The following RPS6KA3 variants were observed in gnomAD, a reference collection of about 807,000 sequenced individuals.
RPS6KA3 encodes ribosomal protein S6 kinase alpha-3.
In RPS6KA3, 4 loss-of-function variants were observed where a neutral mutation model predicts 67.2. The observed-to-expected ratio is 0.06, with a 90% CI of 0.03 to 0.14. RPS6KA3 has a LOEUF of 0.14. Among genes scored for constraint, RPS6KA3 ranks in the 10% least tolerant of loss-of-function variants. RPS6KA3 has a pLI of 1.00. For missense variants in RPS6KA3, 204 were observed against 559.0 expected (o/e 0.36, Z 6.40); for synonymous variants, 182 against 183.7 (o/e 0.99, Z 0.07).
chrX:20,150,512 T>C lies in RPS6KA3; in HGVS notation c.*4886A>G, dbSNP rs1478740182. On this transcript the variant is annotated 3_prime_UTR_variant, in exon 22 of 22. Coordinates refer to ENST00000379565, the MANE Select transcript of RPS6KA3 (RefSeq NM_004586.3). ...AAGGAATGGCAATACCTTGAAGCTT[T>C]TTTTAAAATTAAAAACCAAAGCTTT... 1 of 112,881 alleles carries C rather than the reference T, an allele frequency of 8.9e-6. No homozygotes were observed. Among genetic ancestry groups the C allele is most frequent in the Admixed American group, 9.4e-5 (1 of 10,636 alleles). 9.3% of individuals were successfully genotyped at this position (112,881 alleles called of 1,213,427 possible).
At chrX:20,217,381 T>C (rs1325772683) in intron 2 of RPS6KA3, among the ~76,000 whole-genome samples, 3 of 112,953 alleles carry the variant, frequency 2.7e-5, no homozygotes, top group Non-Finnish European at 5.6e-5. Context: ...AAACCTAATA[T>C]TGTAACATGC....
At chrX:20,161,793 A>G (rs928195161) in intron 19 of RPS6KA3, 32 bp from the exon 20 acceptor site, 7 of 542,908 alleles carry the variant, frequency 1.3e-5, no homozygotes, top group Non-Finnish European at 1.8e-5. Flanking sequence ...ATATTAATGA[A>G]TAAAATTTAT....
chrX:20,177,375 A>G (rs191338269), intron 10 of RPS6KA3, among the ~76,000 whole-genome samples: 160 of 112,177 alleles, frequency 1.4e-3, no homozygotes, highest in African/African-American at 4.9e-3. Flanking sequence ...GTTCTATGCC[A>G]TTTTATTACA....
At chrX:20,162,066 G>A (rs759032656) in intron 19 of RPS6KA3, among the ~76,000 whole-genome samples, 9 of 109,830 alleles carry the variant, frequency 8.2e-5, no homozygotes, top group Admixed American at 2.0e-4. Context: ...GGCCAGGCAC[G>A]GTGGCTCATG....
At chrX:20,260,945 C>T (rs1202570662) in intron 1 of RPS6KA3, among the ~76,000 whole-genome samples, 3 of 111,961 alleles carry the variant, frequency 2.7e-5, no homozygotes, top group Non-Finnish European at 5.6e-5. Context: ...TGCTATTAAT[C>T]CAAATAACCC....
chrX:20,195,963 C>A (rs768186027), intron 4 of RPS6KA3, among the ~76,000 whole-genome samples: 102 of 112,016 alleles, frequency 9.1e-4, no homozygotes, highest in Admixed American at 1.7e-3. Context: ...CAAAGTAGCA[C>A]CATGAATATG....
chrX:20,184,663 C>G (rs946254204), intron 10 of RPS6KA3, among the ~76,000 whole-genome samples: 1 of 110,130 alleles, frequency 9.1e-6, no homozygotes, highest in South Asian at 3.8e-4. Flanking sequence ...CTGCCCACTT[C>G]GGCCTCCCAA....
chrX:20,196,873 G>A (rs1250018397), intron 4 of RPS6KA3, among the ~76,000 whole-genome samples: 1 of 111,307 alleles, frequency 9.0e-6, no homozygotes, highest in Non-Finnish European at 1.9e-5. Context: ...ATAGGATATC[G>A]CTGTCGCCCT....
intron 1 of RPS6KA3, among the ~76,000 whole-genome samples, chrX:20,240,119 T>A (rs1297336015): frequency 9.2e-6 from 1 of 108,922 alleles, no homozygotes; most frequent in Non-Finnish European, 1.9e-5. Flanking sequence ...TATCATCTAC[T>A]GACATTCTCC....
chrX:20,226,850 C>A (rs778161737), intron 2 of RPS6KA3, among the ~76,000 whole-genome samples: 2 of 111,346 alleles, frequency 1.8e-5, no homozygotes, highest in African/African-American at 3.3e-5. Flanking sequence ...CCTTTAGACA[C>A]CCTATTACAG....
rs752001807 is a variant in RPS6KA3 at position 20,234,860 on chromosome X, A to G, written c.70-46T>C. ...AGGAAGTTACCAAAACAGACCTCAC[A>G]TCAGTTAAAGTTAAATGAAGGCAGA... On this transcript the variant is annotated intron_variant, in intron 1 of 21. Coordinates refer to ENST00000379565, the MANE Select transcript of RPS6KA3 (RefSeq NM_004586.3). The G allele has an allele frequency of 7.7e-5, 78 of 1,015,898 alleles. No homozygotes were observed. The South Asian group carries it at 1.5e-3, about 19-fold the overall frequency. 83.7% of individuals were successfully genotyped at this position (1,015,898 alleles called of 1,213,427 possible). A position where few individuals can be genotyped will look rare whatever the true frequency, so the allele number is the denominator to read the frequency against.
chrX:20,198,401 A>G (rs2068331604), intron 4 of RPS6KA3, among the ~76,000 whole-genome samples: 1 of 112,338 alleles, frequency 8.9e-6, no homozygotes, highest in Non-Finnish European at 1.9e-5. Context: ...ACCCCCAGGC[A>G]TTTGGAGAAA....
intron 20 of RPS6KA3, among the ~76,000 whole-genome samples, chrX:20,158,365 CAAAAA>C (rs1209085517): frequency 3.5e-5 from 1 of 28,731 alleles, no homozygotes; most frequent in African/African-American, 1.5e-4. Flanking sequence ...GACTCTATCT[CAAAAA>C]AAAAAAAAAA....
chrX:20,211,616 A>C (rs1354485318), intron 2 of RPS6KA3, among the ~76,000 whole-genome samples: 1 of 111,540 alleles, frequency 9.0e-6, no homozygotes, highest in Non-Finnish European at 1.9e-5. Context: ...CAATATTTGT[A>C]TCCTTAAAAT....
rs192608626 is a variant in RPS6KA3, at chrX:20,219,612, C to A, written c.127-10208G>T. Among the ~76,000 whole-genome samples, 178 of 111,550 alleles carry A rather than the reference C, an allele frequency of 1.6e-3. 2 individuals are homozygous for A. Among genetic ancestry groups the A allele is most frequent in the African/African-American group, 5.4e-3 (166 of 30,745 alleles). On this transcript the variant is annotated intron_variant, in intron 2 of 21. Transcript: ENST00000379565. ...AAAATATAAGTTAAAAAAAAGAAGT[C>A]CAATCCTTGGGTTATTAGCAAAATG... is the stretch of plus-strand genomic sequence containing the variant.
intron 3 of RPS6KA3, among the ~76,000 whole-genome samples, chrX:20,204,973 T>C (rs781694350): frequency 1.8e-5 from 2 of 112,089 alleles, no homozygotes; most frequent in Admixed American, 1.9e-4. Context: ...TGAAGAATCC[T>C]GTGCACAAAT....
At chrX:20,228,596 A>T (rs1418230693) in intron 2 of RPS6KA3, among the ~76,000 whole-genome samples, 1 of 110,832 alleles carries the variant, frequency 9.0e-6, no homozygotes, top group Non-Finnish European at 1.9e-5. Context: ...GAGGATCTAG[A>T]AACTCTTTAT....
chrX:20,259,431 AC>A (rs983237505), intron 1 of RPS6KA3, among the ~76,000 whole-genome samples: 2 of 111,979 alleles, frequency 1.8e-5, no homozygotes, highest in African/African-American at 6.5e-5. Context: ...ATTATTTTTA[AC>A]TTTTATTTAA....
At chrX:20,261,981 T>C (rs2070243521) in intron 1 of RPS6KA3, among the ~76,000 whole-genome samples, 1 of 112,141 alleles carries the variant, frequency 8.9e-6, no homozygotes. Context: ...ATATATGTAC[T>C]TGCACAGCTG....
Sources: allele counts gnomAD v4.1 joint callset (sites outside exome capture counted in the v4.1 genomes callset), GRCh38; gene constraint gnomAD v4.1.1; transcripts MANE v1.5; gene names NCBI Gene and HGNC (gene_info 2026-07-23, HGNC 2026-07-21).